LEMD3: variants seen among roughly 807,000 people sequenced by gnomAD.
The protein encoded by LEMD3 is inner nuclear membrane protein Man1.
LEMD3 carries 33 observed loss-of-function variants against 95.2 expected under a neutral mutation model. The ratio of observed to expected loss-of-function variants is 0.35; its 90% CI spans 0.26 to 0.46. The LOEUF (loss-of-function observed/expected upper bound fraction) is 0.46. LEMD3 is among the 20% of genes least tolerant of loss of function. The pLI is 1.00. For missense variants in LEMD3, 1,210 were observed against 1,192.8 expected (o/e 1.01, Z -0.21); for synonymous variants, 525 against 474.6 (o/e 1.11, Z -1.38).
In LEMD3 at chr12:65,170,481, C is replaced by A. The variant is rs976891743; in HGVS notation, c.885C>A (p.Pro295=). Residue 295 remains proline, a synonymous_variant, in exon 1 of 13, where the codon CCC becomes CCA. Transcript: ENST00000308330. ...GACGAACCCATAGTAAGCCTCTCCCCCCGCTGACTGCTAAATCGGCCGGCG... is the reference window on the plus strand; with the variant it reads ...GACGAACCCATAGTAAGCCTCTCCCACCGCTGACTGCTAAATCGGCCGGCG... ...RPRRTHSKPL[P]PLTAKSAGGR... The A allele has an allele frequency of 1.2e-6, 2 of 1,613,542 alleles. No homozygotes were observed. The highest frequency in any genetic ancestry group is 2.2e-5 in the East Asian group (1 of 44,782).
chr12:65,176,252 T>C (rs1868716104), intron 1 of LEMD3, among the ~76,000 whole-genome samples: 1 of 152,254 alleles, frequency 6.6e-6, no homozygotes, highest in Admixed American at 6.5e-5. Flanking sequence ...TTGGCTAAAC[T>C]GTTCATGATC....
rs1868473928 is a variant in LEMD3 at position 65,170,132 on chromosome 12, C to A, written c.536C>A (p.Ala179Asp). Residue 179 changes from alanine (A) to aspartate (D), a missense_variant, in exon 1 of 13, where the codon GCC (alanine) becomes GAC (aspartate). Transcript: ENST00000308330. ...AAAGCGCCGCCGGCGCCCCTGGCCG[C>A]CAGCGAGGTGACTAACAGCAACTCT... The part of the protein sequence containing the change: ...GLKAPPAPLA[A>D]SEVTNSNSAE... 1.1e-5 allele frequency: 16 copies of A among 1,464,786 alleles called. No homozygotes were observed. Among genetic ancestry groups the A allele is most frequent in the Non-Finnish European group, 1.4e-5 (16 of 1,114,214 alleles). 90.7% of individuals were successfully genotyped at this position (1,464,786 alleles called of 1,614,324 possible). A position where few individuals can be genotyped will look rare whatever the true frequency, so the allele number is the denominator to read the frequency against.
At position 65,231,930 on chromosome 12, in the gene LEMD3, T is replaced by G. The variant is rs370283213; in HGVS notation, c.1696-6572T>G. Among the ~76,000 whole-genome samples the G allele has an allele frequency of 7.2e-5, 11 of 152,220 alleles. 1 individual carries two copies. In the South Asian group the frequency reaches 1.4e-3, roughly 20 times the overall value. ...CGTTGAATGATTTTTGAAAATGTTT[T>G]CTATCACTGAATAATATTTCATGGT... On this transcript the variant is annotated intron_variant, in intron 4 of 12. Transcript: ENST00000308330.
chr12:65,170,979 G>A lies in LEMD3; in HGVS notation c.1383G>A (p.Glu461=). The A allele has an allele frequency of 1.2e-6, 2 of 1,614,218 alleles. No individual in the cohort carries two copies. Among genetic ancestry groups the A allele is most frequent in the Non-Finnish European group, 8.5e-7 (1 of 1,180,032 alleles). Residue 461 remains glutamate, a synonymous_variant, in exon 1 of 13, where the codon GAG becomes GAA. Coordinates refer to ENST00000308330, the MANE Select transcript of LEMD3 (RefSeq NM_014319.5). ...TTCTCCAGCAATTTAAACGGGAGGAGGTGTCCCCAACAGGGAGTTTCAGTG... is the reference window on the plus strand; with the variant it reads ...TTCTCCAGCAATTTAAACGGGAGGAAGTGTCCCCAACAGGGAGTTTCAGTG... ...EELLQQFKRE[E]VSPTGSFSAH...
At chr12:65,211,038 TAAA>T in intron 2 of LEMD3, 75 bp downstream of exon 2, 3 of 1,057,708 alleles carry the variant, frequency 2.8e-6, no homozygotes, top group Non-Finnish European at 4.4e-6. Context: ...GACTATCAAC[TAAA>T]AAAAAGTAAT....
chr12:65,203,036 A>G (rs1191214711), intron 1 of LEMD3, among the ~76,000 whole-genome samples: 1 of 151,840 alleles, frequency 6.6e-6, no homozygotes, highest in East Asian at 1.9e-4. Flanking sequence ...CTGTTTTTTA[A>G]TTTCATTGAT....
At chr12:65,193,649 C>T (rs1392488210) in intron 1 of LEMD3, among the ~76,000 whole-genome samples, 2 of 151,972 alleles carry the variant, frequency 1.3e-5, no homozygotes, top group Non-Finnish European at 2.9e-5. Context: ...GACTGCGGAT[C>T]CCTGGCTCTG....
At chr12:65,225,983 GC>G (rs1870437829) in intron 4 of LEMD3, among the ~76,000 whole-genome samples, 1 of 152,198 alleles carries the variant, frequency 6.6e-6, no homozygotes, top group Non-Finnish European at 1.5e-5. Context: ...AACACTCCTT[GC>G]CCCTGTGAAG....
intron 1 of LEMD3, among the ~76,000 whole-genome samples, chr12:65,180,116 T>C (rs1303274710): frequency 6.6e-6 from 1 of 152,040 alleles, no homozygotes; most frequent in Non-Finnish European, 1.5e-5. Context: ...GGCTAATTTT[T>C]GTATTTTTTA....
At chr12:65,173,885 A>G (rs570580896) in intron 1 of LEMD3, among the ~76,000 whole-genome samples, 16 of 152,288 alleles carry the variant, frequency 1.1e-4, no homozygotes, top group African/African-American at 3.6e-4. Flanking sequence ...TGCTAACTTC[A>G]GTTAGTCTGC....
rs1309526696 is a variant in LEMD3, at chr12:65,182,552, G to A, written c.1522+11434G>A. Among the ~76,000 whole-genome samples, 4 of 152,100 alleles carry A rather than the reference G, an allele frequency of 2.6e-5. No homozygotes were observed. The East Asian group carries it at 7.7e-4, about 29-fold the overall frequency. The stretch of plus-strand genomic sequence containing the variant: ...TTTCAAGCTGTCTGAGCAGATAAAA[G>A]GGAGTTATCTTTTCACGTTACATAA... On this transcript the variant is annotated intron_variant, in intron 1 of 12. Transcript: ENST00000308330.
At chr12:65,218,332 G>T (rs1216202811) in intron 3 of LEMD3, among the ~76,000 whole-genome samples, 3 of 152,108 alleles carry the variant, frequency 2.0e-5, no homozygotes, top group Non-Finnish European at 4.4e-5. Flanking sequence ...TAATGTAATG[G>T]TAGTTGTTTG....
intron 8 of LEMD3, chr12:65,240,553 T>C (rs1175759523): frequency 2.4e-6 from 1 of 414,278 alleles, no homozygotes; most frequent in East Asian, 4.7e-5. Context: ...GGCTGGTGTT[T>C]TACTAATGTT....
intron 1 of LEMD3, among the ~76,000 whole-genome samples, chr12:65,196,773 G>A (rs1165452789): frequency 4.6e-5 from 7 of 152,108 alleles, no homozygotes; most frequent in African/African-American, 9.7e-5. Flanking sequence ...AGCAAAAAGT[G>A]ATGAACTCAA....
chr12:65,186,962 C>T (rs1473791436), intron 1 of LEMD3, among the ~76,000 whole-genome samples: 2 of 151,994 alleles, frequency 1.3e-5, no homozygotes, highest in African/African-American at 4.8e-5. Flanking sequence ...GTTACTTATG[C>T]TTTAATTTGC....
At chr12:65,226,902 A>T (rs1870464605) in intron 4 of LEMD3, among the ~76,000 whole-genome samples, 2 of 152,220 alleles carry the variant, frequency 1.3e-5, no homozygotes, top group South Asian at 4.1e-4. Context: ...TCTAGCGAGT[A>T]ATCTCTAATA....
intron 1 of LEMD3, among the ~76,000 whole-genome samples, chr12:65,177,768 A>G (rs1868769816): frequency 6.6e-6 from 1 of 152,142 alleles, no homozygotes; most frequent in South Asian, 2.1e-4. Context: ...AGACTAGCCA[A>G]AAGGTCCCGA....
chr12:65,202,616 C>T (rs1260153850), intron 1 of LEMD3, among the ~76,000 whole-genome samples: 2 of 152,098 alleles, frequency 1.3e-5, no homozygotes, highest in African/African-American at 2.4e-5. Flanking sequence ...CTTCTCTCTC[C>T]TGAAAGATAT....
intron 1 of LEMD3, among the ~76,000 whole-genome samples, chr12:65,178,792 C>G (rs1266090785): frequency 6.6e-6 from 1 of 152,144 alleles, no homozygotes; most frequent in Non-Finnish European, 1.5e-5. Flanking sequence ...TGGCTCTTAA[C>G]TGTTCTTCTA....
Sources: gnomAD v4.1 joint callset for allele counts (sites outside exome capture counted in the v4.1 genomes callset) on GRCh38, gnomAD v4.1.1 for gene constraint, MANE v1.5 for transcripts, NCBI Gene and HGNC (gene_info 2026-07-23, HGNC 2026-07-21) for gene names.